COBL: variants seen among roughly 807,000 people sequenced by gnomAD.
COBL encodes cordon-bleu WH2 repeat protein.
A neutral mutation model predicts 98.8 loss-of-function variants in COBL; 51 were observed. The observed-to-expected ratio is 0.52, with a 90% CI of 0.41 to 0.65. The LOEUF (loss-of-function observed/expected upper bound fraction) is 0.65. Among genes scored for constraint, COBL ranks in the 30% least tolerant of loss-of-function variants. COBL has a pLI of 0.00. For missense variants in COBL, 1,617 were observed against 1,617.5 expected (o/e 1.00, Z 0.01); for synonymous variants, 634 against 651.7 (o/e 0.97, Z 0.41).
chr7:51,062,232 C>T (rs1026309667), intron 7 of COBL, among the ~76,000 whole-genome samples: 4 of 151,996 alleles, frequency 2.6e-5, no homozygotes, highest in South Asian at 2.1e-4. Flanking sequence ...ACAGCAGATA[C>T]AGTGTGGATG....
At chr7:51,186,854 C>A (rs183663414) in intron 4 of COBL, among the ~76,000 whole-genome samples, 176 of 152,308 alleles carry the variant, frequency 1.2e-3, no homozygotes, top group African/African-American at 4.0e-3. Context: ...GTGTTCCCAT[C>A]AGCCAAAATT....
At chr7:51,195,402 T>C (rs1790500165) in intron 2 of COBL, among the ~76,000 whole-genome samples, 1 of 152,200 alleles carries the variant, frequency 6.6e-6, no homozygotes, top group South Asian at 2.1e-4. Context: ...AATAGCATGC[T>C]GTTTGGTTAC....
At chr7:51,018,641 C>G (rs887605671) in intron 12 of COBL, among the ~76,000 whole-genome samples, 1 of 151,612 alleles carries the variant, frequency 6.6e-6, no homozygotes, top group Non-Finnish European at 1.5e-5. Flanking sequence ...ACCTGAAATC[C>G]CAGCACTTTG....
At chr7:51,160,257 G>A (rs1378604371) in intron 5 of COBL, among the ~76,000 whole-genome samples, 1 of 152,112 alleles carries the variant, frequency 6.6e-6, no homozygotes, top group Non-Finnish European at 1.5e-5. Context: ...ACACATTAAG[G>A]TCTATTTACT....
At chr7:51,031,663 G>A (rs767586206) in intron 8 of COBL, 1 of 152,238 alleles carries the variant, frequency 6.6e-6, no homozygotes, top group African/African-American at 2.4e-5. Context: ...CTCAGAAAAC[G>A]AGAAATTTCA....
At chr7:51,261,978 G>A (rs914719076) in intron 1 of COBL, among the ~76,000 whole-genome samples, 1 of 152,292 alleles carries the variant, frequency 6.6e-6, no homozygotes, top group East Asian at 1.9e-4. Context: ...CCTGAGGAAC[G>A]CTAAGCTCCA....
chr7:51,274,139 G>A (rs2129168096), intron 1 of COBL, among the ~76,000 whole-genome samples: 1 of 152,232 alleles, frequency 6.6e-6, no homozygotes, highest in Non-Finnish European at 1.5e-5. Flanking sequence ...ACCTGCAGCT[G>A]CCAGCTGTGC....
chr7:51,061,820 G>A (rs1488198560), intron 7 of COBL, among the ~76,000 whole-genome samples: 1 of 152,114 alleles, frequency 6.6e-6, no homozygotes, highest in Non-Finnish European at 1.5e-5. Context: ...GTGGGGCCTT[G>A]AGACTTGGAT....
At chr7:51,228,881 T>C (rs888704912) in intron 1 of COBL, among the ~76,000 whole-genome samples, 1 of 152,122 alleles carries the variant, frequency 6.6e-6, no homozygotes, top group African/African-American at 2.4e-5. Context: ...AGTTACTACA[T>C]TGTTCAATAT....
At position 51,017,230 on chromosome 7, in the gene COBL, C is replaced by A. The variant is rs1786359696; in HGVS notation, c.*321G>T. On this transcript the variant is annotated 3_prime_UTR_variant, in exon 13 of 13. Transcript: ENST00000265136. ...TAAGGCATGATTCTTTTTACTTTGCCCATAAATATAATTAAGTGTGAGTGC... is the reference window on the plus strand; with the variant it reads ...TAAGGCATGATTCTTTTTACTTTGCACATAAATATAATTAAGTGTGAGTGC... 1 of 525,334 alleles carries A rather than the reference C, an allele frequency of 1.9e-6. No homozygotes were observed. The highest frequency in any genetic ancestry group is 3.3e-6 in the Non-Finnish European group (1 of 299,334). The allele number at this position is 525,334 out of a possible 1,614,324, so 32.5% of individuals were successfully genotyped here.
At chr7:51,083,989 G>A (rs1793945193) in intron 7 of COBL, among the ~76,000 whole-genome samples, 1 of 152,166 alleles carries the variant, frequency 6.6e-6, no homozygotes, top group Admixed American at 6.6e-5. Flanking sequence ...GAGCTTGGAA[G>A]GGAGAATGGG....
chr7:51,139,412 T>C (rs1012151652), intron 5 of COBL, among the ~76,000 whole-genome samples: 1 of 152,222 alleles, frequency 6.6e-6, no homozygotes, highest in Admixed American at 6.5e-5. Context: ...ATATTGATTA[T>C]CTTCAGACAA....
intron 7 of COBL, among the ~76,000 whole-genome samples, chr7:51,060,551 G>C (rs932957713): frequency 2.6e-5 from 4 of 152,028 alleles, no homozygotes; most frequent in Non-Finnish European, 5.9e-5. Flanking sequence ...TAGAGGGCTC[G>C]GGTGATGTTC....
intron 1 of COBL, among the ~76,000 whole-genome samples, chr7:51,258,085 CTTT>C (rs1797363762): frequency 6.6e-6 from 1 of 152,064 alleles, no homozygotes; most frequent in Non-Finnish European, 1.5e-5. Flanking sequence ...TCAAAATATA[CTTT>C]TTTATAACTA....
intron 12 of COBL, among the ~76,000 whole-genome samples, chr7:51,021,700 T>C (rs1023025795): frequency 2.6e-5 from 4 of 152,322 alleles, no homozygotes; most frequent in South Asian, 4.1e-4. Context: ...AATTTGATGT[T>C]CGCATGCCAT....
intron 5 of COBL, among the ~76,000 whole-genome samples, chr7:51,162,338 C>T (rs1786903265): frequency 6.6e-6 from 1 of 152,140 alleles, no homozygotes; most frequent in South Asian, 2.1e-4. Context: ...TGTAAAATTC[C>T]AGGAAAACTA....
chr7:51,273,516 T>C (rs1798984103), intron 1 of COBL, among the ~76,000 whole-genome samples: 1 of 152,202 alleles, frequency 6.6e-6, no homozygotes, highest in Admixed American at 6.5e-5. Context: ...GTGACATTCC[T>C]AAGGAAGTCA....
chr7:51,269,127 G>A (rs546248036), intron 1 of COBL, among the ~76,000 whole-genome samples: 92 of 152,124 alleles, frequency 6.0e-4, no homozygotes, highest in Admixed American at 1.8e-3. Context: ...AGCACTCCTG[G>A]GATGGGGAGT....
intron 6 of COBL, among the ~76,000 whole-genome samples, chr7:51,128,780 A>G (rs1798465448): frequency 6.6e-6 from 1 of 152,186 alleles, no homozygotes; most frequent in African/African-American, 2.4e-5. Flanking sequence ...TGGCCCTCCT[A>G]AGGGCGGGTG....
Sources: allele counts gnomAD v4.1 joint callset (sites outside exome capture counted in the v4.1 genomes callset), GRCh38; gene constraint gnomAD v4.1.1; transcripts MANE v1.5; gene names NCBI Gene and HGNC (gene_info 2026-07-23, HGNC 2026-07-21).